Variants in SEMA6D observed in about 807,000 individuals in gnomAD.
SEMA6D encodes the protein semaphorin-6D.
SEMA6D carries 35 observed loss-of-function variants against 106.6 expected under a neutral mutation model. The observed-to-expected ratio is 0.33, with a 90% CI of 0.25 to 0.44. The LOEUF (loss-of-function observed/expected upper bound fraction) is 0.44, where lower values mean the gene tolerates loss of function less well. SEMA6D is among the 20% of genes least tolerant of loss of function. The pLI is 1.00. For missense variants in SEMA6D, 1,185 were observed against 1,345.9 expected, an observed-to-expected ratio of 0.88 and a Z score of 1.87; for synonymous variants, 499 against 487.7, an observed-to-expected ratio of 1.02 and a Z score of -0.31.
intron 2 of SEMA6D, among the ~76,000 whole-genome samples, chr15:47,416,572 C>T (rs898104844): frequency 1.3e-5 from 2 of 152,048 alleles, no homozygotes; most frequent in Admixed American, 6.6e-5. Context: ...CACAATCTGG[C>T]GGGTCTGGCT....
chr15:47,277,797 G>A (rs1325255565), intron 1 of SEMA6D, among the ~76,000 whole-genome samples: 2 of 150,010 alleles, frequency 1.3e-5, no homozygotes, highest in African/African-American at 4.9e-5. Flanking sequence ...AGAGTGTGAT[G>A]TTCCCCTTCC....
intron 1 of SEMA6D, among the ~76,000 whole-genome samples, chr15:47,307,291 C>A (rs916585567): frequency 7.9e-5 from 12 of 152,162 alleles, no homozygotes; most frequent in African/African-American, 2.9e-4. Context: ...TTTATGATAT[C>A]ATTTGGGCAA....
At chr15:47,531,738 A>G (rs1468745633) in intron 3 of SEMA6D, among the ~76,000 whole-genome samples, 2 of 152,156 alleles carry the variant, frequency 1.3e-5, no homozygotes, top group African/African-American at 4.8e-5. Context: ...AGTGGGAGAG[A>G]AAGCTCTGGC....
intron 2 of SEMA6D, 196 bp downstream of exon 2, chr15:47,760,103 A>G (rs768176954): frequency 1.1e-5 from 7 of 629,236 alleles, no homozygotes; most frequent in African/African-American, 3.7e-5. Flanking sequence ...TTCTACAGCA[A>G]CCTGTATATA....
intron 4 of SEMA6D, among the ~76,000 whole-genome samples, chr15:47,681,731 T>A (rs1386188573): frequency 6.6e-6 from 1 of 152,210 alleles, no homozygotes; most frequent in Non-Finnish European, 1.5e-5. Flanking sequence ...CAAATAGCAA[T>A]ATCTTCTTTA....
In SEMA6D at chr15:47,697,003, G is replaced by A. The variant is rs537515976; in HGVS notation, c.-54-62742G>A. ...TCATCATCTTTTAAGTCCTACCTAG[G>A]CCTCTACTGCAATGGGATCAGATGG... is the stretch of plus-strand genomic sequence containing the variant. On this transcript the variant is annotated intron_variant, in intron 4 of 19. Transcript: ENST00000558014. Among the ~76,000 whole-genome samples the A allele has an allele frequency of 3.3e-5, 5 of 152,104 alleles. No homozygotes were observed. The East Asian group carries it at 9.7e-4, about 29-fold the overall frequency.
In SEMA6D at chr15:47,771,815, T is replaced by A. The variant is rs1464363220; in HGVS notation, c.*30T>A. The A allele has an allele frequency of 6.3e-7, 1 of 1,581,400 alleles. No homozygotes were observed. The highest frequency in any genetic ancestry group is 1.7e-5 in the Admixed American group (1 of 58,588). ...CAAGTGTGCTATTCCCATGTGGCTT[T>A]ATCCTGTCCGTGTTGTTGAGAGGAT... is the stretch of plus-strand genomic sequence containing the variant. On this transcript the variant is annotated 3_prime_UTR_variant, in exon 19 of 19. Coordinates refer to ENST00000536845, the MANE Select transcript of SEMA6D (RefSeq NM_001358351.3).
chr15:47,431,812 A>G (rs1336916547), intron 2 of SEMA6D, among the ~76,000 whole-genome samples: 1 of 152,148 alleles, frequency 6.6e-6, no homozygotes, highest in East Asian at 1.9e-4. Context: ...TGCTCGTGAC[A>G]TCATGCCTTA....
chr15:47,277,874 G>A (rs1421855608), intron 1 of SEMA6D, among the ~76,000 whole-genome samples: 1 of 148,546 alleles, frequency 6.7e-6, no homozygotes, highest in Non-Finnish European at 1.5e-5. Context: ...TTGGTTTTTT[G>A]TTCTTGCGAT....
chr15:47,685,119 C>A (rs1022249814), intron 4 of SEMA6D, among the ~76,000 whole-genome samples: 8 of 152,180 alleles, frequency 5.3e-5, no homozygotes, highest in Admixed American at 3.9e-4. Context: ...TCCCTAAGAG[C>A]AGATGAGATC....
At chr15:47,315,026 C>T (rs61406158) in intron 1 of SEMA6D, among the ~76,000 whole-genome samples, 9,613 of 150,848 alleles carry the variant, frequency 0.064, 1,239 homozygotes, top group East Asian at 0.6. Flanking sequence ...CCATCACGCC[C>T]GGCTAATTTT....
At chr15:47,500,604 A>G (rs894232831) in intron 3 of SEMA6D, among the ~76,000 whole-genome samples, 2 of 152,178 alleles carry the variant, frequency 1.3e-5, no homozygotes, top group Non-Finnish European at 2.9e-5. Context: ...AATTGCTTGA[A>G]AAATTTTGTT....
chr15:47,620,076 T>A (rs1399285713), intron 4 of SEMA6D, among the ~76,000 whole-genome samples: 1 of 152,140 alleles, frequency 6.6e-6, no homozygotes, highest in Admixed American at 6.6e-5. Context: ...CAGCCTGAAC[T>A]CACCACTTGA....
At chr15:47,525,645 C>A (rs954720693) in intron 3 of SEMA6D, among the ~76,000 whole-genome samples, 2 of 152,154 alleles carry the variant, frequency 1.3e-5, no homozygotes, top group African/African-American at 4.8e-5. Flanking sequence ...TAATTGCTAT[C>A]GACTACTCAT....
chr15:47,491,252 A>G (rs1013152583), intron 3 of SEMA6D, among the ~76,000 whole-genome samples: 1 of 152,188 alleles, frequency 6.6e-6, no homozygotes, highest in Non-Finnish European at 1.5e-5. Context: ...AACCAAGATG[A>G]TAAGACACTT....
chr15:47,250,516 T>C (rs967065478), intron 1 of SEMA6D, among the ~76,000 whole-genome samples: 22 of 152,116 alleles, frequency 1.4e-4, no homozygotes, highest in African/African-American at 5.1e-4. Context: ...ATTGCTATTG[T>C]GGAGGAATGG....
At chr15:47,238,042 T>C (rs1020677902) in intron 1 of SEMA6D, among the ~76,000 whole-genome samples, 1 of 152,154 alleles carries the variant, frequency 6.6e-6, no homozygotes, top group African/African-American at 2.4e-5. Context: ...TTGATAATGA[T>C]GATGACACAA....
At chr15:47,720,615 A>C (rs1442918338) in intron 1 of SEMA6D, among the ~76,000 whole-genome samples, 3 of 152,118 alleles carry the variant, frequency 2.0e-5, no homozygotes. Context: ...AGGCCCCTAC[A>C]TCAATGTCGT....
intron 4 of SEMA6D, among the ~76,000 whole-genome samples, chr15:47,614,140 C>T (rs75508058): frequency 0.02 from 3,103 of 152,004 alleles, 106 homozygotes; most frequent in African/African-American, 0.071. Context: ...TAAAATAAAA[C>T]AAAGCAAAAA....
Sources: allele counts gnomAD v4.1 joint callset (sites outside exome capture counted in the v4.1 genomes callset), GRCh38; gene constraint gnomAD v4.1.1; transcripts MANE v1.5; gene names NCBI Gene and HGNC (gene_info 2026-07-23, HGNC 2026-07-21).